L3MBTL4: variants seen among roughly 807,000 people sequenced by gnomAD.
L3MBTL4 encodes L3MBTL histone methyl-lysine binding protein 4.
In L3MBTL4, 70 loss-of-function variants were observed where a neutral mutation model predicts 84.5. The observed-to-expected ratio is 0.83, with a 90% CI of 0.68 to 1.01. The LOEUF (loss-of-function observed/expected upper bound fraction) is 1.01, where lower values mean the gene tolerates loss of function less well. L3MBTL4 is among the 50% of genes least tolerant of loss of function. The pLI, the probability that L3MBTL4 is intolerant of heterozygous loss-of-function variation, is 0.00. For synonymous variants in L3MBTL4, 274 were observed against 259.8 expected (o/e 1.05, Z -0.52); for missense variants, 715 against 754.8 (o/e 0.95, Z 0.62).
intron 16 of L3MBTL4, among the ~76,000 whole-genome samples, chr18:5,981,750 C>T (rs1332251192): frequency 7.9e-5 from 12 of 151,676 alleles, no homozygotes; most frequent in East Asian, 3.9e-4. Flanking sequence ...CAGTGAGCTG[C>T]GATTGTGCCA....
intron 14 of L3MBTL4, among the ~76,000 whole-genome samples, chr18:6,102,153 T>C (rs1437053023): frequency 6.6e-6 from 1 of 152,246 alleles, no homozygotes; most frequent in Non-Finnish European, 1.5e-5. Context: ...CAGCTTGAAC[T>C]GAGTAAAATT....
intron 1 of L3MBTL4, among the ~76,000 whole-genome samples, chr18:6,411,002 C>G (rs1430662127): frequency 5.3e-5 from 8 of 152,176 alleles, no homozygotes; most frequent in Non-Finnish European, 1.2e-4. Flanking sequence ...CTGATGGGCT[C>G]AGAGTTAAGG....
chr18:6,239,019 C>G (rs866362231), intron 9 of L3MBTL4, among the ~76,000 whole-genome samples: 1 of 152,062 alleles, frequency 6.6e-6, no homozygotes, highest in Non-Finnish European at 1.5e-5. Flanking sequence ...GAATTCACTC[C>G]CATTGTCCCA....
rs191373342 is a variant in L3MBTL4 at position 6,345,269 on chromosome 18, C to T, written c.-90-33213G>A. On this transcript the variant is annotated intron_variant, in intron 1 of 18. Coordinates refer to ENST00000317931, the MANE Select transcript of L3MBTL4 (RefSeq NM_001330559.2). ...AAAAAGAGCCGGGCATGGCAGCATG[C>T]GCCTGTAGTCCCAGCTATATGGGAA... Among the ~76,000 whole-genome samples, 1,075 of 147,920 alleles carry T rather than the reference C, an allele frequency of 7.3e-3. 19 individuals carry two copies. The highest frequency in any genetic ancestry group is 0.025 in the African/African-American group (1,014 of 40,146).
intron 17 of L3MBTL4, among the ~76,000 whole-genome samples, chr18:5,967,760 C>T (rs989086180): frequency 1.3e-5 from 2 of 152,184 alleles, no homozygotes; most frequent in Non-Finnish European, 2.9e-5. Context: ...TGGCAGTGGG[C>T]AGAGTGGGAG....
chr18:5,963,455 G>T (rs2052167419), intron 17 of L3MBTL4, among the ~76,000 whole-genome samples: 1 of 152,156 alleles, frequency 6.6e-6, no homozygotes, highest in African/African-American at 2.4e-5. Flanking sequence ...CCCCGTGGTG[G>T]CCTCCACCTG....
At chr18:6,368,857 C>T (rs2054040815) in intron 1 of L3MBTL4, among the ~76,000 whole-genome samples, 1 of 152,066 alleles carries the variant, frequency 6.6e-6, no homozygotes, top group Non-Finnish European at 1.5e-5. Flanking sequence ...GCCTGGCCAA[C>T]ATGGTGAAAC....
chr18:5,958,040 G>GAA (rs2095238160), intron 18 of L3MBTL4, among the ~76,000 whole-genome samples: 1 of 137,514 alleles, frequency 7.3e-6, no homozygotes, highest in Non-Finnish European at 1.5e-5. Flanking sequence ...AGGAGGAGGA[G>GAA]GAGGAGAAGG....
intron 12 of L3MBTL4, among the ~76,000 whole-genome samples, chr18:6,210,146 G>C (rs1026217002): frequency 6.6e-6 from 1 of 152,092 alleles, no homozygotes; most frequent in African/African-American, 2.4e-5. Flanking sequence ...TCTCAAAAAA[G>C]GTATAATAAA....
Position 6,311,665 on chromosome 18 carries a change from C to G in L3MBTL4, c.-31-9G>C, listed in dbSNP as rs2050840456. ...TCCTTGGCAGTGGTTTTCTGTAAAACAGGGTTACATAAGAAGTTGGGGATG... is the reference window on the plus strand; with the variant it reads ...TCCTTGGCAGTGGTTTTCTGTAAAAGAGGGTTACATAAGAAGTTGGGGATG... On this transcript the variant is annotated splice_polypyrimidine_tract_variant and intron_variant, in intron 2 of 18. Transcript: ENST00000317931. The G allele has an allele frequency of 6.5e-7, 1 of 1,548,160 alleles. No homozygotes were observed. The highest frequency in any genetic ancestry group is 2.2e-5 in the East Asian group (1 of 44,526).
chr18:6,071,851 G>A (rs1444251613), intron 16 of L3MBTL4, among the ~76,000 whole-genome samples: 4 of 149,512 alleles, frequency 2.7e-5, no homozygotes, highest in African/African-American at 1.0e-4. Context: ...AGAGAGAGAG[G>A]GAGGGAGGGA....
At chr18:5,965,086 A>C (rs2052279198) in intron 17 of L3MBTL4, among the ~76,000 whole-genome samples, 1 of 152,236 alleles carries the variant, frequency 6.6e-6, no homozygotes, top group African/African-American at 2.4e-5. Context: ...GCACACCCAC[A>C]CACATCCCTC....
intron 1 of L3MBTL4, among the ~76,000 whole-genome samples, chr18:6,315,745 G>A (rs1670131): frequency 3.3e-5 from 5 of 152,034 alleles, no homozygotes; most frequent in South Asian, 2.1e-4. Context: ...GACACCAAAC[G>A]TCCTGTGGGA....
chr18:6,264,316 T>C (rs531355147), intron 4 of L3MBTL4, among the ~76,000 whole-genome samples: 1 of 152,204 alleles, frequency 6.6e-6, no homozygotes, highest in Non-Finnish European at 1.5e-5. Context: ...ACCATCTTGC[T>C]CCTCTCTAAG....
intron 14 of L3MBTL4, among the ~76,000 whole-genome samples, chr18:6,110,989 C>G (rs1355177837): frequency 6.6e-6 from 1 of 152,058 alleles, no homozygotes; most frequent in Non-Finnish European, 1.5e-5. Flanking sequence ...TCCCACCCCC[C>G]AGGTCCTATC....
intron 1 of L3MBTL4, chr18:6,374,230 C>T (rs918596473): frequency 7.9e-5 from 12 of 152,520 alleles, no homozygotes; most frequent in African/African-American, 2.9e-4. Flanking sequence ...TTGGGCGAGT[C>T]ACTTATCCCC....
chr18:6,163,714 C>T (rs2043483171), intron 13 of L3MBTL4, among the ~76,000 whole-genome samples: 1 of 152,112 alleles, frequency 6.6e-6, no homozygotes, highest in Admixed American at 6.5e-5. Context: ...GCCAAGATGG[C>T]CAAATAGGAA....
At chr18:6,207,184 CTGTTTT>C (rs1338538699) in intron 12 of L3MBTL4, among the ~76,000 whole-genome samples, 5 of 152,192 alleles carry the variant, frequency 3.3e-5, no homozygotes, top group African/African-American at 1.2e-4. Flanking sequence ...TTGTCTCTGG[CTGTTTT>C]TGTGATGAAC....
intron 5 of L3MBTL4, among the ~76,000 whole-genome samples, chr18:6,262,532 C>T (rs936287632): frequency 6.6e-6 from 1 of 152,144 alleles, no homozygotes; most frequent in Non-Finnish European, 1.5e-5. Flanking sequence ...AGTTCTTAAA[C>T]CTTCTATGGT....
Sources: gnomAD v4.1 joint callset for allele counts (sites outside exome capture counted in the v4.1 genomes callset) on GRCh38, gnomAD v4.1.1 for gene constraint, MANE v1.5 for transcripts, NCBI Gene and HGNC (gene_info 2026-07-23, HGNC 2026-07-21) for gene names.